The following TBCK variants were observed in gnomAD, a reference collection of about 807,000 sequenced individuals.
TBCK encodes TBC1 domain containing kinase.
In TBCK, 99 loss-of-function variants were observed where a neutral mutation model predicts 113.4. The ratio of observed to expected loss-of-function variants is 0.87; its 90% CI spans 0.74 to 1.03. The LOEUF is 1.03. Ranked by LOEUF, TBCK falls within the 50% of genes least tolerant of loss-of-function variation. The pLI is 0.00. For missense variants in TBCK, 1,045 were observed against 1,061.3 expected, an observed-to-expected ratio of 0.98 and a Z score of 0.21; for synonymous variants, 369 against 370.8, an observed-to-expected ratio of 1.00 and a Z score of 0.05.
At chr4:106,306,452 T>C (rs1767539243) in intron 2 of TBCK, among the ~76,000 whole-genome samples, 1 of 152,078 alleles carries the variant, frequency 6.6e-6, no homozygotes, top group Non-Finnish European at 1.5e-5. Flanking sequence ...TAGCACATTG[T>C]ACATCACCTA....
Position 106,135,650 on chromosome 4 carries a change from TAAAAGCTCTGG to T in TBCK, c.2236-19283_2236-19273del, listed in dbSNP as rs1184738154. ...AGACTGTTGTAGAAGTGGGTTACTATAAAAGCTCTGGAGGAGCGCAGAAAAATTTGATAAAT... is the reference window on the plus strand; with the variant it reads ...AGACTGTTGTAGAAGTGGGTTACTATAGGAGCGCAGAAAAATTTGATAAAT... On this transcript the variant is annotated intron_variant, in intron 23 of 25. Coordinates refer to ENST00000394708, the MANE Select transcript of TBCK (RefSeq NM_001163435.3). 1.4e-5 allele frequency among the ~76,000 whole-genome samples: 2 copies of T among 141,988 alleles called. 1 individual carries two copies. Among genetic ancestry groups the T allele is most frequent in the Non-Finnish European group, 3.2e-5 (2 of 62,486 alleles). 93.1% of individuals were successfully genotyped at this position (141,988 alleles called of 152,430 possible).
intron 19 of TBCK, among the ~76,000 whole-genome samples, chr4:106,214,429 G>T (rs1442998116): frequency 1.3e-5 from 2 of 151,978 alleles, no homozygotes; most frequent in African/African-American, 4.8e-5. Flanking sequence ...GCTACGGGAG[G>T]ACATTCAAAC....
At chr4:106,275,369 T>C (rs1173077207) in intron 3 of TBCK, among the ~76,000 whole-genome samples, 1 of 151,868 alleles carries the variant, frequency 6.6e-6, no homozygotes, top group African/African-American at 2.4e-5. Flanking sequence ...GATAAAAAAC[T>C]AGGAAATATT....
rs576414220 is a variant in TBCK at position 106,041,984 on chromosome 4, C to T, written c.*4586G>A. On this transcript the variant is annotated 3_prime_UTR_variant, in exon 26 of 26. Transcript: ENST00000394708. ...ATGAGATAAAACTGGATTACAAAAC[C>T]TAAAGGTTGTGTGTGAGCAATTACA... The T allele has an allele frequency of 2.0e-5, 3 of 152,216 alleles. No individual in the cohort carries two copies. The highest frequency in any genetic ancestry group is 4.4e-5 in the Non-Finnish European group (3 of 68,006). 9.4% of individuals were successfully genotyped at this position (152,216 alleles called of 1,614,324 possible).
chr4:106,225,008 T>A (rs1302868122), intron 19 of TBCK, among the ~76,000 whole-genome samples: 2 of 152,206 alleles, frequency 1.3e-5, no homozygotes, highest in Non-Finnish European at 2.9e-5. Flanking sequence ...AAGTAGTCAT[T>A]TTCACATTTA....
At chr4:106,300,996 C>T (rs1313447554) in intron 2 of TBCK, among the ~76,000 whole-genome samples, 1 of 151,940 alleles carries the variant, frequency 6.6e-6, no homozygotes, top group Non-Finnish European at 1.5e-5. Context: ...CCATGAAGAA[C>T]AATAAATTCC....
intron 15 of TBCK, 52 bp from the exon 16 acceptor site, chr4:106,233,702 A>G (rs1759135707): frequency 7.4e-7 from 1 of 1,344,126 alleles, no homozygotes; most frequent in South Asian, 1.3e-5. Context: ...TAATACAAAT[A>G]GTAATATAGA....
At chr4:106,063,447 G>C (rs917029992) in intron 25 of TBCK, among the ~76,000 whole-genome samples, 1 of 151,990 alleles carries the variant, frequency 6.6e-6, no homozygotes, top group Non-Finnish European at 1.5e-5. Context: ...TCTGGAGCTA[G>C]AGAAGTTTAA....
At chr4:106,215,942 C>G (rs967346376) in intron 19 of TBCK, among the ~76,000 whole-genome samples, 9 of 148,688 alleles carry the variant, frequency 6.1e-5, no homozygotes, top group Non-Finnish European at 1.0e-4. Context: ...CACACCTATT[C>G]CAAAATTGAC....
intron 23 of TBCK, among the ~76,000 whole-genome samples, chr4:106,150,447 C>A (rs1374307814): frequency 3.9e-5 from 6 of 152,066 alleles, no homozygotes; most frequent in Admixed American, 3.9e-4. Flanking sequence ...AGATACCCCT[C>A]AATCACTGAT....
At chr4:106,136,629 C>T (rs1746590580) in intron 23 of TBCK, among the ~76,000 whole-genome samples, 1 of 140,832 alleles carries the variant, frequency 7.1e-6, no homozygotes, top group South Asian at 2.4e-4. Flanking sequence ...TCCCCCTCCC[C>T]CACCAACTTA....
intron 20 of TBCK, among the ~76,000 whole-genome samples, chr4:106,195,294 T>C (rs1712243628): frequency 6.6e-6 from 1 of 152,124 alleles, no homozygotes. Context: ...TGGCAAAGAT[T>C]ATTCACAGAA....
intron 25 of TBCK, among the ~76,000 whole-genome samples, chr4:106,087,550 G>T (rs1284515257): frequency 6.6e-6 from 1 of 152,102 alleles, no homozygotes; most frequent in Non-Finnish European, 1.5e-5. Context: ...CACACTACCA[G>T]TGACATTCTT....
intron 20 of TBCK, among the ~76,000 whole-genome samples, chr4:106,208,921 G>A (rs1401341443): frequency 6.6e-6 from 1 of 152,184 alleles, no homozygotes. Flanking sequence ...TCCCAAGGTG[G>A]AAGTAGGTCA....
At chr4:106,209,377 C>T (rs1755873659) in intron 20 of TBCK, among the ~76,000 whole-genome samples, 1 of 151,994 alleles carries the variant, frequency 6.6e-6, no homozygotes, top group African/African-American at 2.4e-5. Flanking sequence ...TTTTTTAAAC[C>T]AAAATAAAAT....
chr4:106,215,895 C>T (rs1178899255), intron 19 of TBCK, among the ~76,000 whole-genome samples: 8 of 151,554 alleles, frequency 5.3e-5, no homozygotes, highest in East Asian at 1.9e-4. Flanking sequence ...CTCTCCACCC[C>T]AAATCAACAG....
intron 24 of TBCK, among the ~76,000 whole-genome samples, chr4:106,110,209 G>A (rs571608780): frequency 3.3e-5 from 5 of 152,280 alleles, no homozygotes; most frequent in East Asian, 3.9e-4. Flanking sequence ...TTCTGTCAGC[G>A]GTCTGGTCCC....
At chr4:106,143,930 A>T (rs1747451865) in intron 23 of TBCK, among the ~76,000 whole-genome samples, 1 of 151,682 alleles carries the variant, frequency 6.6e-6, no homozygotes, top group Non-Finnish European at 1.5e-5. Flanking sequence ...AAAAAAAAAA[A>T]GTAAAGGCAA....
intron 22 of TBCK, among the ~76,000 whole-genome samples, chr4:106,189,385 T>G (rs1288183455): frequency 6.7e-6 from 1 of 149,006 alleles, no homozygotes; most frequent in Admixed American, 6.7e-5. Flanking sequence ...ATGACATGCA[T>G]GAATATCATG....
Sources: allele counts gnomAD v4.1 joint callset (sites outside exome capture counted in the v4.1 genomes callset), GRCh38; gene constraint gnomAD v4.1.1; transcripts MANE v1.5; gene names NCBI Gene and HGNC (gene_info 2026-07-23, HGNC 2026-07-21).